The following ULK2 variants were observed in gnomAD, a reference collection of about 807,000 sequenced individuals.
ULK2 encodes the protein serine/threonine-protein kinase ULK2.
A neutral mutation model predicts 127.5 loss-of-function variants in ULK2; 76 were observed. That is an observed-to-expected ratio of 0.60 (90% CI 0.50 to 0.72). The LOEUF (loss-of-function observed/expected upper bound fraction) is 0.72. Among genes scored for constraint, ULK2 ranks in the 30% least tolerant of loss-of-function variants. The pLI is 0.00. For synonymous variants in ULK2, 452 were observed against 461.9 expected (o/e 0.98, Z 0.28); for missense variants, 1,144 against 1,295.9 (o/e 0.88, Z 1.80).
chr17:19,772,975 C>CAA lies in ULK2; in HGVS notation c.*3372_*3373dup, dbSNP rs199913999. On this transcript the variant is annotated 3_prime_UTR_variant, in exon 27 of 27. Coordinates refer to ENST00000395544, the MANE Select transcript of ULK2 (RefSeq NM_014683.4). ...CCTGGGTGACAGAGCAAGACTGTCT[C>CAA]AAAAAAAAAAACCAAAAAACAAAAA... 1.6e-3 allele frequency: 222 copies of CAA among 140,220 alleles called. 1 individual carries two copies. The highest frequency in any genetic ancestry group is 5.2e-3 in the African/African-American group (196 of 37,874). 8.7% of individuals were successfully genotyped at this position (140,220 alleles called of 1,614,324 possible).
In ULK2 at chr17:19,817,681, A is replaced by G. The variant is rs1427460151; in HGVS notation, c.925-761T>C. 3.3e-5 allele frequency among the ~76,000 whole-genome samples: 5 copies of G among 152,336 alleles called. 1 individual carries two copies. The East Asian group carries it at 5.8e-4, about 18-fold the overall frequency. On this transcript the variant is annotated intron_variant, in intron 12 of 26. Transcript: ENST00000395544. Reference sequence around the variant, plus strand: ...TATCTTGATTATACAATGGTTTTCTACAACAATGAACTTCATAGCTTATTG... The same window carrying G: ...TATCTTGATTATACAATGGTTTTCTGCAACAATGAACTTCATAGCTTATTG...
intron 24 of ULK2, 95 bp from the exon 25 acceptor site, chr17:19,780,724 G>T: frequency 7.7e-7 from 1 of 1,293,362 alleles, no homozygotes; most frequent in Non-Finnish European, 1.0e-6. Context: ...TAGGGAAGGT[G>T]TCACTATGTG....
At chr17:19,866,304 A>T (rs1462735695) in intron 1 of ULK2, among the ~76,000 whole-genome samples, 1 of 151,816 alleles carries the variant, frequency 6.6e-6, no homozygotes, top group Non-Finnish European at 1.5e-5. Flanking sequence ...GTTCAAGACC[A>T]CACTGGCCAA....
intron 23 of ULK2, among the ~76,000 whole-genome samples, chr17:19,781,499 C>T (rs1349815208): frequency 2.6e-5 from 4 of 152,090 alleles, no homozygotes; most frequent in Admixed American, 2.6e-4. Flanking sequence ...CCTTCTGCCC[C>T]ATCCTCCCAA....
intron 1 of ULK2, among the ~76,000 whole-genome samples, chr17:19,866,822 G>T (rs899445730): frequency 3.3e-5 from 5 of 152,170 alleles, no homozygotes; most frequent in Admixed American, 6.5e-5. Context: ...GGGGGAAAAC[G>T]GTACGGGGGC....
intron 5 of ULK2, among the ~76,000 whole-genome samples, chr17:19,848,025 G>A (rs2041927507): frequency 6.6e-6 from 1 of 152,026 alleles, no homozygotes; most frequent in African/African-American, 2.4e-5. Flanking sequence ...ATAACTACGA[G>A]TTGACATGAT....
At chr17:19,851,467 A>G (rs1025233849) in intron 3 of ULK2, among the ~76,000 whole-genome samples, 3 of 151,654 alleles carry the variant, frequency 2.0e-5, no homozygotes, top group African/African-American at 7.3e-5. Flanking sequence ...GTGAAACCCC[A>G]TCTCTACTAA....
rs1352538205 is a variant in ULK2, at chr17:19,825,169, T to C, written c.849A>G (p.Pro283=). ...QGPVKKSCPV[P]VPMYSGSVSG... ...AGACAGAACCAGAATACATGGGCAC[T>C]GGAACTGGGCAAGCTAGGGGAAGAA... Residue 283 remains proline (P), a synonymous_variant, in exon 12 of 27, where the codon CCA becomes CCG. Transcript: ENST00000395544. The C allele has an allele frequency of 6.2e-7, 1 of 1,614,132 alleles. No homozygotes were observed. Among genetic ancestry groups the C allele is most frequent in the East Asian group, 2.2e-5 (1 of 44,884 alleles).
intron 12 of ULK2, among the ~76,000 whole-genome samples, chr17:19,822,356 A>G (rs2041170928): frequency 6.6e-6 from 1 of 151,304 alleles, no homozygotes; most frequent in Non-Finnish European, 1.5e-5. Context: ...GACTTATTTT[A>G]TTTTTTATTT....
intron 11 of ULK2, 24 bp downstream of exon 11, chr17:19,826,114 GA>G: frequency 7.2e-7 from 1 of 1,386,688 alleles, no homozygotes; most frequent in Non-Finnish European, 9.6e-7. Flanking sequence ...TTCTTTAAGT[GA>G]AAATACAAAA....
chr17:19,825,441 G>A (rs1488964243), intron 11 of ULK2, among the ~76,000 whole-genome samples: 1 of 152,214 alleles, frequency 6.6e-6, no homozygotes. Flanking sequence ...TGGGAGCAGA[G>A]GCTCACTCCT....
At chr17:19,823,498 A>G (rs2041210986) in intron 12 of ULK2, among the ~76,000 whole-genome samples, 1 of 152,128 alleles carries the variant, frequency 6.6e-6, no homozygotes. Context: ...TCCCAAAATT[A>G]GATTCTTCCC....
intron 20 of ULK2, among the ~76,000 whole-genome samples, chr17:19,789,229 C>G (rs1440724553): frequency 6.6e-6 from 1 of 150,592 alleles, no homozygotes; most frequent in East Asian, 2.0e-4. Flanking sequence ...CTCCAAGTAG[C>G]TCAGCATAGA....
chr17:19,790,435 A>T (rs1379428653), intron 20 of ULK2, among the ~76,000 whole-genome samples: 1 of 152,148 alleles, frequency 6.6e-6, no homozygotes, highest in Non-Finnish European at 1.5e-5. Flanking sequence ...AAAAAATTGA[A>T]TTAAATTGAA....
intron 15 of ULK2, among the ~76,000 whole-genome samples, chr17:19,804,352 T>C (rs941536061): frequency 6.6e-6 from 1 of 152,134 alleles, no homozygotes; most frequent in African/African-American, 2.4e-5. Context: ...GTAAACAATA[T>C]GTAAATAATC....
At chr17:19,849,540 A>G (rs982906048) in intron 4 of ULK2, 135 bp from the exon 5 acceptor site, 1 of 991,278 alleles carries the variant, frequency 1.0e-6, no homozygotes, top group Non-Finnish European at 1.5e-6. Context: ...ATAGATTCAA[A>G]ATTTTTTAAA....
chr17:19,784,453 T>C (rs550119538), intron 21 of ULK2, among the ~76,000 whole-genome samples: 1 of 150,374 alleles, frequency 6.7e-6, no homozygotes, highest in South Asian at 2.1e-4. Context: ...TAGTACTCTC[T>C]AACGCAGCCC....
intron 8 of ULK2, among the ~76,000 whole-genome samples, 162 bp downstream of exon 8, chr17:19,842,959 C>T (rs564162593): frequency 2.0e-5 from 3 of 152,308 alleles, no homozygotes; most frequent in South Asian, 2.1e-4. Flanking sequence ...AACCAAAAGA[C>T]GTTCTGACTC....
intron 21 of ULK2, 29 bp from the exon 22 acceptor site, chr17:19,783,934 T>C (rs2086974093): frequency 1.4e-6 from 2 of 1,414,124 alleles, no homozygotes; most frequent in Non-Finnish European, 1.9e-6. Flanking sequence ...TACATGGCAG[T>C]GTCCAGAGTT....
Sources: gnomAD v4.1 joint callset for allele counts (sites outside exome capture counted in the v4.1 genomes callset) on GRCh38, gnomAD v4.1.1 for gene constraint, MANE v1.5 for transcripts, NCBI Gene and HGNC (gene_info 2026-07-23, HGNC 2026-07-21) for gene names.